KCNT2: variants seen among roughly 807,000 people sequenced by gnomAD.
KCNT2 encodes potassium sodium-activated channel subfamily T member 2, also known as potassium channel subfamily T member 2.
In KCNT2, 67 loss-of-function variants were observed where a neutral mutation model predicts 153.8. The observed-to-expected ratio is 0.44, with a 90% CI of 0.36 to 0.53. The LOEUF is 0.53. Among genes scored for constraint, KCNT2 ranks in the 20% least tolerant of loss-of-function variants. The probability of loss-of-function intolerance (pLI) is 0.00; values close to 1 mark genes in which losing one functional copy is unlikely to be tolerated. For synonymous variants in KCNT2, 500 were observed against 458.8 expected (o/e 1.09, Z -1.15); for missense variants, 975 against 1,354.8 (o/e 0.72, Z 4.40).
chr1:196,511,258 C>T (rs990993752), intron 1 of KCNT2, among the ~76,000 whole-genome samples: 2 of 152,038 alleles, frequency 1.3e-5, no homozygotes, highest in Admixed American at 1.3e-4. Flanking sequence ...ACTGAAGCTA[C>T]TGTTCACCCC....
intron 1 of KCNT2, among the ~76,000 whole-genome samples, chr1:196,521,275 A>G (rs1307231191): frequency 6.6e-6 from 1 of 152,200 alleles, no homozygotes; most frequent in African/African-American, 2.4e-5. Flanking sequence ...AATGGCTATT[A>G]TTTTTAAGAA....
Position 196,228,121 on chromosome 1 carries a change from G to T in KCNT2, c.*103C>A. ...GAGAAGAGATTACGTTTTTAAATAT[G>T]AGAGAATTACATATATTTCCATCTA... On this transcript the variant is annotated 3_prime_UTR_variant, in exon 28 of 28. Transcript: ENST00000294725. 1 of 646,680 alleles carries T rather than the reference G, an allele frequency of 1.5e-6. No individual in the cohort carries two copies. Among genetic ancestry groups the T allele is most frequent in the South Asian group, 1.9e-5 (1 of 51,324 alleles). The allele number at this position is 646,680 out of a possible 1,614,324, so 40.1% of individuals were successfully genotyped here.
At chr1:196,316,162 G>A (rs1662695022) in intron 20 of KCNT2, 136 bp from the exon 21 acceptor site, 1 of 489,712 alleles carries the variant, frequency 2.0e-6, no homozygotes, top group Non-Finnish European at 3.6e-6. Flanking sequence ...TGCACAGGTA[G>A]CTATTAAAGG....
At chr1:196,590,259 C>T (rs867299647) in intron 1 of KCNT2, among the ~76,000 whole-genome samples, 6 of 152,134 alleles carry the variant, frequency 3.9e-5, no homozygotes, top group Admixed American at 6.6e-5. Context: ...GTTCTTCACA[C>T]AAGGCATTTA....
chr1:196,327,358 A>G (rs1663970743), intron 18 of KCNT2, among the ~76,000 whole-genome samples: 1 of 152,012 alleles, frequency 6.6e-6, no homozygotes, highest in Non-Finnish European at 1.5e-5. Flanking sequence ...GTCTACATGC[A>G]TATTTGAGCT....
chr1:196,585,898 C>T (rs1662621017), intron 1 of KCNT2, among the ~76,000 whole-genome samples: 1 of 152,166 alleles, frequency 6.6e-6, no homozygotes, highest in Admixed American at 6.5e-5. Flanking sequence ...AGGCAATAAA[C>T]ATAAATGAAA....
chr1:196,237,564 A>G (rs1484537526), intron 26 of KCNT2, among the ~76,000 whole-genome samples: 3 of 151,734 alleles, frequency 2.0e-5, no homozygotes, highest in African/African-American at 4.8e-5. Context: ...TAGATAAACA[A>G]CTACCATTTT....
chr1:196,413,202 T>C (rs1460404481), intron 12 of KCNT2, among the ~76,000 whole-genome samples: 1 of 151,554 alleles, frequency 6.6e-6, no homozygotes, highest in East Asian at 1.9e-4. Context: ...GTTATCAACA[T>C]GGGGACAAGT....
chr1:196,547,426 T>A (rs1451824695), intron 1 of KCNT2, among the ~76,000 whole-genome samples: 1 of 152,006 alleles, frequency 6.6e-6, no homozygotes, highest in Non-Finnish European at 1.5e-5. Context: ...AGACGATGGA[T>A]GTCTAAAGTT....
chr1:196,590,085 C>G (rs1467372729), intron 1 of KCNT2, among the ~76,000 whole-genome samples: 1 of 152,052 alleles, frequency 6.6e-6, no homozygotes, highest in East Asian at 1.9e-4. Flanking sequence ...GCACTTGTAT[C>G]CCTTAAATTT....
At chr1:196,292,882 A>G (rs1660331080) in intron 22 of KCNT2, among the ~76,000 whole-genome samples, 1 of 151,814 alleles carries the variant, frequency 6.6e-6, no homozygotes, top group African/African-American at 2.4e-5. Context: ...AACTTACAGT[A>G]TATTGAAACC....
chr1:196,383,462 A>C (rs755387593), intron 13 of KCNT2, among the ~76,000 whole-genome samples: 5 of 152,178 alleles, frequency 3.3e-5, no homozygotes, highest in Admixed American at 6.5e-5. Flanking sequence ...AGTCTGTGGA[A>C]TGAAACTGGT....
intron 25 of KCNT2, among the ~76,000 whole-genome samples, chr1:196,268,286 C>G (rs1657735163): frequency 6.6e-6 from 1 of 152,176 alleles, no homozygotes; most frequent in Non-Finnish European, 1.5e-5. Context: ...CAAGGTCACA[C>G]ATGTCTTTAC....
chr1:196,301,722 T>C (rs892492889), intron 22 of KCNT2, among the ~76,000 whole-genome samples: 3 of 152,082 alleles, frequency 2.0e-5, no homozygotes, highest in African/African-American at 7.2e-5. Flanking sequence ...GCAGCCAAGC[T>C]GGTGTTTATT....
chr1:196,290,575 T>C (rs917090855), intron 22 of KCNT2, among the ~76,000 whole-genome samples: 1 of 151,574 alleles, frequency 6.6e-6, no homozygotes, highest in African/African-American at 2.4e-5. Context: ...TGTATATATA[T>C]ATATACACAC....
chr1:196,498,463 T>A (rs1251266570), intron 1 of KCNT2, among the ~76,000 whole-genome samples: 3 of 152,170 alleles, frequency 2.0e-5, no homozygotes, highest in African/African-American at 7.2e-5. Context: ...ATATTGGTCA[T>A]GGAGTCCATA....
At chr1:196,504,215 C>T (rs963148260) in intron 1 of KCNT2, among the ~76,000 whole-genome samples, 2 of 150,916 alleles carry the variant, frequency 1.3e-5, no homozygotes, top group African/African-American at 4.9e-5. Flanking sequence ...GGTATATCTC[C>T]TAATGCTATC....
At chr1:196,300,662 G>C (rs1661101165) in intron 22 of KCNT2, among the ~76,000 whole-genome samples, 1 of 152,088 alleles carries the variant, frequency 6.6e-6, no homozygotes, top group South Asian at 2.1e-4. Context: ...CTGTACAGCT[G>C]TCCATGCCTA....
chr1:196,351,963 CAT>C (rs1450264599), intron 14 of KCNT2, among the ~76,000 whole-genome samples: 2 of 152,104 alleles, frequency 1.3e-5, no homozygotes, highest in Non-Finnish European at 2.9e-5. Flanking sequence ...TTGAGATAAT[CAT>C]GTGGTTTTTG....
Sources: gnomAD v4.1 joint callset for allele counts (sites outside exome capture counted in the v4.1 genomes callset) on GRCh38, gnomAD v4.1.1 for gene constraint, MANE v1.5 for transcripts, NCBI Gene and HGNC (gene_info 2026-07-23, HGNC 2026-07-21) for gene names.